Variants in CMBL observed in about 807,000 individuals in gnomAD.
CMBL encodes carboxymethylenebutenolidase homolog (Pseudomonas).
Under a neutral mutation model 28.7 loss-of-function variants are expected in CMBL, and 17 were observed. That is an observed-to-expected ratio of 0.59 (90% CI 0.41 to 0.89). The LOEUF (loss-of-function observed/expected upper bound fraction) is 0.89. Ranked by LOEUF, CMBL falls within the 40% of genes least tolerant of loss-of-function variation. The probability of loss-of-function intolerance (pLI) is 0.00; values close to 1 mark genes in which losing one functional copy is unlikely to be tolerated. For missense variants in CMBL, 310 were observed against 298.5 expected, an observed-to-expected ratio of 1.04 and a Z score of -0.28; for synonymous variants, 106 against 101.6, an observed-to-expected ratio of 1.04 and a Z score of -0.26.
At chr5:10,291,638 G>GCCCA (rs1561063956) in intron 1 of CMBL, among the ~76,000 whole-genome samples, 1 of 150,350 alleles carries the variant, frequency 6.7e-6, no homozygotes, top group African/African-American at 2.5e-5. Context: ...TCCAGCCTGG[G>GCCCA]GGACAGAGCG....
chr5:10,303,529 G>GA (rs1283569887), intron 1 of CMBL, among the ~76,000 whole-genome samples: 1 of 152,082 alleles, frequency 6.6e-6, no homozygotes, highest in Non-Finnish European at 1.5e-5. Context: ...TGAACGACAG[G>GA]AAAAAACTAA....
At chr5:10,305,767 C>T (rs757738612) in intron 1 of CMBL, among the ~76,000 whole-genome samples, 5 of 152,068 alleles carry the variant, frequency 3.3e-5, no homozygotes, top group South Asian at 2.1e-4. Flanking sequence ...GACTGGGTTT[C>T]ACCATGTTGG....
At chr5:10,302,201 T>C (rs73052338) in intron 1 of CMBL, among the ~76,000 whole-genome samples, 2,156 of 152,318 alleles carry the variant, frequency 0.014, 48 homozygotes, top group African/African-American at 0.049. Flanking sequence ...CTGTACTATA[T>C]TTTCTGTATA....
In CMBL at chr5:10,288,470, G is replaced by C. The variant is rs771358898; in HGVS notation, c.275C>G (p.Ser92Cys). Residue 92 changes from serine to cysteine, a missense_variant, in exon 3 of 6, where the codon TCT (serine) becomes TGT (cysteine). Physicochemically the swap from Ser to Cys is moderately radical, Grantham distance 112 (BLOSUM62 -1). Transcript: ENST00000296658. ...QEPWDPSGDWSIFPEWLKTRN... is the reference protein window; with the variant it reads ...QEPWDPSGDWCIFPEWLKTRN... ...TGTTTTCAGCCACTCAGGGAAGATA[G>C]ACCAGTCGCCAGAGGGGTCCCAAGG... The C allele has an allele frequency of 1.5e-5, 24 of 1,613,986 alleles. No individual in the cohort carries two copies. The highest frequency in any genetic ancestry group is 2.7e-5 in the African/African-American group (2 of 74,926).
chr5:10,284,151 G>C (rs909035018), intron 4 of CMBL, among the ~76,000 whole-genome samples: 1 of 152,200 alleles, frequency 6.6e-6, no homozygotes, highest in Non-Finnish European at 1.5e-5. Context: ...ACGCTCTGCA[G>C]CTCACGCACT....
At chr5:10,291,992 A>C (rs530123187) in intron 1 of CMBL, 8 of 152,358 alleles carry the variant, frequency 5.3e-5, no homozygotes, top group African/African-American at 1.7e-4. Flanking sequence ...CACTTGGTGA[A>C]TCAAACTGGA....
Position 10,288,546 on chromosome 5 carries a change from T to C in CMBL, c.216-17A>G. ...ACAATGGTTCTGCAAAATATGGACA[T>C]GAATTGATCTTAGTTTCAGAGTTGC... On this transcript the variant is annotated splice_polypyrimidine_tract_variant and intron_variant, in intron 2 of 5. Coordinates refer to ENST00000296658, the MANE Select transcript of CMBL (RefSeq NM_138809.4). The C allele has an allele frequency of 1.3e-6, 2 of 1,536,478 alleles. No homozygotes were observed. The highest frequency in any genetic ancestry group is 1.1e-5 in the South Asian group (1 of 89,470).
rs139199205 is a variant in CMBL, at chr5:10,287,012, C to T, written c.324-516G>A. ...CCAAAACTCCCCACTCTGCATTGCT[C>T]GTCTCCTCCCCCTGCCGCCCAGTGA... On this transcript the variant is annotated intron_variant, in intron 3 of 5. Transcript: ENST00000296658. Among the ~76,000 whole-genome samples the T allele has an allele frequency of 6.6e-5, 10 of 152,290 alleles. No individual in the cohort carries two copies. The East Asian group carries it at 1.7e-3, about 26-fold the overall frequency.
intron 1 of CMBL, 102 bp downstream of exon 1, chr5:10,307,523 G>C (rs1203112348): frequency 6.6e-6 from 1 of 152,244 alleles, no homozygotes; most frequent in Non-Finnish European, 1.5e-5. Context: ...ACCCGTGCAC[G>C]CGGCAAAGAC....
intron 3 of CMBL, among the ~76,000 whole-genome samples, chr5:10,287,403 T>C (rs781639607): frequency 7.9e-5 from 12 of 151,738 alleles, no homozygotes; most frequent in Non-Finnish European, 1.3e-4. Context: ...AAATACTGTA[T>C]GTTCTCACTT....
intron 2 of CMBL, chr5:10,290,315 GC>G (rs1579473155): frequency 3.7e-6 from 2 of 545,716 alleles, no homozygotes; most frequent in Non-Finnish European, 6.6e-6. Context: ...AAGTCTAAAG[GC>G]CAGGTACTCC....
chr5:10,290,140 C>A (rs1256117428), intron 2 of CMBL, among the ~76,000 whole-genome samples: 1 of 152,232 alleles, frequency 6.6e-6, no homozygotes, highest in Non-Finnish European at 1.5e-5. Flanking sequence ...CAGGAGGAGC[C>A]TTGGACACCC....
chr5:10,299,641 A>G (rs1334015840), intron 1 of CMBL, among the ~76,000 whole-genome samples: 1 of 151,402 alleles, frequency 6.6e-6, no homozygotes. Context: ...GGAGTTCGAG[A>G]CCATCCTGGG....
intron 3 of CMBL, 75 bp from the exon 4 acceptor site, chr5:10,286,571 C>T: frequency 7.2e-7 from 1 of 1,392,538 alleles, no homozygotes; most frequent in Non-Finnish European, 9.8e-7. Context: ...CTGATGATAA[C>T]AGGGCTGTAT....
chr5:10,283,662 G>A (rs985447748), intron 4 of CMBL, among the ~76,000 whole-genome samples: 2 of 152,192 alleles, frequency 1.3e-5, no homozygotes, highest in African/African-American at 4.8e-5. Context: ...CTACTCAGGA[G>A]GCTGAGACAG....
chr5:10,285,700 C>CTCT (rs1746587929), intron 4 of CMBL, among the ~76,000 whole-genome samples: 5 of 133,706 alleles, frequency 3.7e-5, no homozygotes, highest in African/African-American at 1.1e-4. Context: ...CTTTCTTTTT[C>CTCT]TTTTTTTTTT....
chr5:10,305,412 A>C (rs192694523), intron 1 of CMBL, among the ~76,000 whole-genome samples: 1 of 148,990 alleles, frequency 6.7e-6, no homozygotes, highest in African/African-American at 2.5e-5. Context: ...TTTGATGTGT[A>C]ATTTTCCAGA....
At chr5:10,283,220 G>A (rs186920390) in intron 4 of CMBL, among the ~76,000 whole-genome samples, 11 of 152,222 alleles carry the variant, frequency 7.2e-5, no homozygotes, top group African/African-American at 1.7e-4. Context: ...TACCTCGTCC[G>A]CTGCTTAGTA....
In CMBL at chr5:10,280,263, C is replaced by T. The variant is rs1746475900; in HGVS notation, c.*190G>A. 1.0e-5 allele frequency: 5 copies of T among 493,876 alleles called. No individual in the cohort carries two copies. The highest frequency in any genetic ancestry group is 7.1e-6 in the Non-Finnish European group (2 of 281,674). 30.6% of individuals were successfully genotyped at this position (493,876 alleles called of 1,614,324 possible). On this transcript the variant is annotated 3_prime_UTR_variant, in exon 6 of 6. Coordinates refer to ENST00000296658, the MANE Select transcript of CMBL (RefSeq NM_138809.4). Reference sequence around the variant, plus strand: ...CAGACCTTGTTTTTAAATTATGATTCGATGTACATGTCAAAAATTAAATTA... The same window carrying T: ...CAGACCTTGTTTTTAAATTATGATTTGATGTACATGTCAAAAATTAAATTA...
Sources: gnomAD v4.1 joint callset for allele counts (sites outside exome capture counted in the v4.1 genomes callset) on GRCh38, gnomAD v4.1.1 for gene constraint, MANE v1.5 for transcripts, NCBI Gene and HGNC (gene_info 2026-07-23, HGNC 2026-07-21) for gene names.